The following CCDC73 variants were observed in gnomAD, a reference collection of about 807,000 sequenced individuals.
CCDC73 encodes the protein coiled-coil domain-containing protein 73.
CCDC73 carries 95 observed loss-of-function variants against 116.5 expected under a neutral mutation model. That is an observed-to-expected ratio of 0.82 (90% CI 0.69 to 0.97). CCDC73 has a LOEUF of 0.97. Ranked by LOEUF, CCDC73 falls within the 50% of genes least tolerant of loss-of-function variation. The pLI is 0.00. For synonymous variants in CCDC73, 398 were observed against 401.3 expected (o/e 0.99, Z 0.10); for missense variants, 1,066 against 1,206.8 (o/e 0.88, Z 1.73).
chr11:32,765,004 G>A (rs376417309), intron 1 of CCDC73, among the ~76,000 whole-genome samples: 1 of 152,078 alleles, frequency 6.6e-6, no homozygotes, highest in Non-Finnish European at 1.5e-5. Context: ...ACAAAGATCA[G>A]AAGAGACAAA....
In CCDC73 at chr11:32,683,608, T is replaced by G. The variant is rs746586958; in HGVS notation, c.391-34A>C. ...ATAAGGGGGAAAAATCTCATTAAAA[T>G]ACTTTAATTATCTACACAAATTCCT... On this transcript the variant is annotated intron_variant, in intron 6 of 17. Coordinates refer to ENST00000335185, the MANE Select transcript of CCDC73 (RefSeq NM_001008391.4). 4.0e-6 allele frequency: 5 copies of G among 1,246,996 alleles called. No homozygotes were observed. The Admixed American group carries it at 7.4e-5, about 18-fold the overall frequency. The allele number at this position is 1,246,996 out of a possible 1,614,324, so 77.2% of individuals were successfully genotyped here.
chr11:32,718,101 T>G lies in CCDC73; in HGVS notation c.182A>C (p.Glu61Ala). The G allele has an allele frequency of 6.2e-7, 1 of 1,608,648 alleles. No individual in the cohort carries two copies. Among genetic ancestry groups the G allele is most frequent in the Non-Finnish European group, 8.5e-7 (1 of 1,178,098 alleles). ...YEEQIGKIIV[E>A]TQELKWQKET... ...CTTTTGCCATTTAAGTTCCTGTGTC[T>G]CCACAATAATTTTACCAATCTGCTC... Residue 61 changes from glutamate to alanine, a missense_variant, in exon 3 of 18, where the codon GAG becomes GCG. Coordinates refer to ENST00000335185, the MANE Select transcript of CCDC73 (RefSeq NM_001008391.4).
chr11:32,764,268 C>A (rs2133380725), intron 1 of CCDC73, among the ~76,000 whole-genome samples: 2 of 152,228 alleles, frequency 1.3e-5, no homozygotes, highest in Middle Eastern at 6.8e-3. Flanking sequence ...GAGAACACCA[C>A]AAAGATACTC....
At chr11:32,644,950 T>C (rs1405435651) in intron 12 of CCDC73, among the ~76,000 whole-genome samples, 1 of 152,224 alleles carries the variant, frequency 6.6e-6, no homozygotes, top group African/African-American at 2.4e-5. Flanking sequence ...CTTTTACCGC[T>C]GAGTAATCTG....
intron 1 of CCDC73, among the ~76,000 whole-genome samples, chr11:32,781,936 G>C (rs932937480): frequency 6.6e-6 from 1 of 152,168 alleles, no homozygotes; most frequent in African/African-American, 2.4e-5. Context: ...TGGCACGAGA[G>C]CAAGTGAAGC....
At chr11:32,693,684 A>G (rs1050334095) in intron 6 of CCDC73, among the ~76,000 whole-genome samples, 4 of 152,180 alleles carry the variant, frequency 2.6e-5, no homozygotes, top group East Asian at 1.9e-4. Context: ...CTGGCAAACC[A>G]AATCCAGCAG....
At chr11:32,818,697 T>C in the CCDC73 span, among the ~76,000 whole-genome samples, 250 of 152,136 alleles carry the variant, frequency 1.6e-3, no homozygotes, top group Middle Eastern at 0.017. Flanking sequence ...AAACGCCGTA[T>C]ATCCACACAA....
chr11:32,667,415 C>A (rs1394736107), intron 9 of CCDC73, among the ~76,000 whole-genome samples: 1 of 152,244 alleles, frequency 6.6e-6, no homozygotes, highest in Non-Finnish European at 1.5e-5. Flanking sequence ...TCTCAGACTG[C>A]TGTGCTAGCA....
At position 32,675,931 on chromosome 11, in the gene CCDC73, G is replaced by T; in HGVS notation, c.520C>A (p.Gln174Lys). 6.2e-7 allele frequency: 1 copy of T among 1,607,936 alleles called. No homozygotes were observed. ...TGATTCTCTTTTACCAATCCAAATT[G>T]ACCTGTTATTGTGGCATAATATTTC... ...IEKYYATITG[Q>K]FGLVKENHEK... is the part of the protein sequence containing the mutation. Residue 174 changes from glutamine (Q) to lysine (K), a missense_variant, in exon 8 of 18, where the codon CAA becomes AAA. Coordinates refer to ENST00000335185, the MANE Select transcript of CCDC73 (RefSeq NM_001008391.4).
At chr11:32,740,337 C>T (rs1850172449) in intron 2 of CCDC73, among the ~76,000 whole-genome samples, 1 of 151,808 alleles carries the variant, frequency 6.6e-6, no homozygotes, top group Admixed American at 6.6e-5. Context: ...TTTTTCTTTG[C>T]TGGGATACTT....
chr11:32,749,165 CA>C (rs1277204646), intron 2 of CCDC73, among the ~76,000 whole-genome samples: 2 of 152,000 alleles, frequency 1.3e-5, no homozygotes, highest in Non-Finnish European at 2.9e-5. Context: ...TCTTTAAGGC[CA>C]AAAACACTTA....
At chr11:32,706,748 C>G (rs567022410) in intron 3 of CCDC73, among the ~76,000 whole-genome samples, 3 of 152,152 alleles carry the variant, frequency 2.0e-5, no homozygotes, top group Non-Finnish European at 2.9e-5. Flanking sequence ...CAGATATTCT[C>G]CCTGTTTCAG....
chr11:32,654,954 A>AG lies in CCDC73; in HGVS notation c.663dup (p.Ser222LeufsTer13). 3 of 1,593,746 alleles carry AG rather than the reference A, an allele frequency of 1.9e-6. No individual in the cohort carries two copies. The highest frequency in any genetic ancestry group is 2.6e-6 in the Non-Finnish European group (3 of 1,174,954). On this transcript the variant is annotated frameshift_variant, in exon 10 of 18. Coordinates refer to ENST00000335185, the MANE Select transcript of CCDC73 (RefSeq NM_001008391.4). LOFTEE classifies it high-confidence loss of function. ...GTGACTTTGGACTTTATCAAGTCTG[A>AG]GGCTGCTTTTTTTAGTTCCTTAATA...
At chr11:32,666,359 CT>C (rs1393143511) in intron 9 of CCDC73, among the ~76,000 whole-genome samples, 1 of 152,288 alleles carries the variant, frequency 6.6e-6, no homozygotes, top group African/African-American at 2.4e-5. Flanking sequence ...TTATTCATTT[CT>C]TTTTACTCTT....
chr11:32,667,962 C>A (rs1330506315), intron 9 of CCDC73, among the ~76,000 whole-genome samples: 2 of 152,170 alleles, frequency 1.3e-5, no homozygotes, highest in Admixed American at 6.5e-5. Context: ...GTGTTCCAAT[C>A]TTGGCTCTCT....
chr11:32,827,652 C>T, the CCDC73 span, among the ~76,000 whole-genome samples: 1 of 152,310 alleles, frequency 6.6e-6, no homozygotes, highest in South Asian at 2.1e-4. Flanking sequence ...TAAATTGCTT[C>T]CACTCCATGA....
At chr11:32,819,817 G>A in the CCDC73 span, among the ~76,000 whole-genome samples, 4 of 152,094 alleles carry the variant, frequency 2.6e-5, no homozygotes, top group African/African-American at 9.7e-5. Flanking sequence ...TTTGAAAAGG[G>A]ACAATACTTG....
chr11:32,790,073 G>A (rs1850661966), intron 1 of CCDC73, among the ~76,000 whole-genome samples: 1 of 152,178 alleles, frequency 6.6e-6, no homozygotes, highest in African/African-American at 2.4e-5. Context: ...ACTAAAAGTA[G>A]TGTAGGGAGA....
rs1855671596 is a variant in CCDC73, at chr11:32,635,741, G to C, written c.1140C>G (p.Asn380Lys). The C allele has an allele frequency of 7.7e-7, 1 of 1,301,282 alleles. No homozygotes were observed. Among genetic ancestry groups the C allele is most frequent in the African/African-American group, 1.5e-5 (1 of 65,560 alleles). The allele number at this position is 1,301,282 out of a possible 1,614,324, so 80.6% of individuals were successfully genotyped here. ...ETHIKLQEHY[N>K]KLCNQKTFEE... ...CAAATGTTTTTTGATTGCATAATTTGTTATAATGTTCTTGTAACTTAATAT... is the reference window on the plus strand; with the variant it reads ...CAAATGTTTTTTGATTGCATAATTTCTTATAATGTTCTTGTAACTTAATAT... Residue 380 changes from asparagine to lysine, a missense_variant, in exon 14 of 18, where the codon AAC (asparagine) becomes AAG (lysine). Physicochemically the swap from Asn to Lys is moderately conservative, Grantham distance 94 (BLOSUM62 0). Coordinates refer to ENST00000335185, the MANE Select transcript of CCDC73 (RefSeq NM_001008391.4).
Sources: gnomAD v4.1 joint callset for allele counts (sites outside exome capture counted in the v4.1 genomes callset) on GRCh38, gnomAD v4.1.1 for gene constraint, MANE v1.5 for transcripts, NCBI Gene and HGNC (gene_info 2026-07-23, HGNC 2026-07-21) for gene names.